The following ZNF503 variants were observed in gnomAD, a reference collection of about 807,000 sequenced individuals.
The protein encoded by ZNF503 is zinc finger protein 503.
A neutral mutation model predicts 34.4 loss-of-function variants in ZNF503; 15 were observed. The ratio of observed to expected loss-of-function variants is 0.44; its 90% CI spans 0.29 to 0.67. The LOEUF is 0.67. ZNF503 is among the 30% of genes least tolerant of loss of function. The pLI is 0.13. For synonymous variants in ZNF503, 580 were observed against 456.8 expected, an observed-to-expected ratio of 1.27 and a Z score of -3.44; for missense variants, 1,007 against 926.8, an observed-to-expected ratio of 1.09 and a Z score of -1.12.
At chr10:75,298,496 A>G in the ZNF503 span, among the ~76,000 whole-genome samples, 1 of 152,228 alleles carries the variant, frequency 6.6e-6, no homozygotes, top group Non-Finnish European at 1.5e-5. Context: ...AATGTTTTCA[A>G]GATTCATCCA....
chr10:75,399,351 C>T lies in ZNF503; in HGVS notation c.1339G>A (p.Ala447Thr). 2 of 1,604,002 alleles carry T rather than the reference C, an allele frequency of 1.2e-6. No homozygotes were observed. Among genetic ancestry groups the T allele is most frequent in the Non-Finnish European group, 1.7e-6 (2 of 1,177,524 alleles). ...GGATCATGTGCGCAAGAAGCGCTGG[C>T]GGCCGCCGCCCCTGCCAGGTGGCTA... Reference protein sequence around the residue: ...CASHLAGAAAASASCAHDPAA... With the variant: ...CASHLAGAAATSASCAHDPAA... Residue 447 changes from alanine to threonine, a missense_variant, in exon 2 of 2, where the codon GCC becomes ACC. Coordinates refer to ENST00000372524, the MANE Select transcript of ZNF503 (RefSeq NM_032772.6).
chr10:75,354,952 C>T, the ZNF503 span, among the ~76,000 whole-genome samples: 1 of 152,154 alleles, frequency 6.6e-6, no homozygotes, highest in Admixed American at 6.5e-5. Flanking sequence ...TTCAAGCCTG[C>T]CTCAGCCTCC....
the ZNF503 span, among the ~76,000 whole-genome samples, chr10:75,359,854 C>G: frequency 9.5e-4 from 144 of 152,248 alleles, no homozygotes; most frequent in African/African-American, 3.3e-3. Flanking sequence ...CTTGTCTTCA[C>G]CTGGGAGAGG....
chr10:75,338,481 C>T, the ZNF503 span: 1 of 152,158 alleles, frequency 6.6e-6, no homozygotes, highest in Non-Finnish European at 1.5e-5. Context: ...TAACAGAGGG[C>T]CCATAACATT....
chr10:75,371,220 C>T, the ZNF503 span, among the ~76,000 whole-genome samples: 1 of 152,110 alleles, frequency 6.6e-6, no homozygotes, highest in African/African-American at 2.4e-5. Flanking sequence ...TGAGTCAGCA[C>T]CCCTGGTCCA....
the ZNF503 span, among the ~76,000 whole-genome samples, chr10:75,336,309 T>A: frequency 6.6e-6 from 1 of 150,492 alleles, no homozygotes; most frequent in Non-Finnish European, 1.5e-5. Flanking sequence ...CATGTTCCAA[T>A]GGAGGACTTG....
At chr10:75,281,504 C>G in the ZNF503 span, among the ~76,000 whole-genome samples, 2 of 152,126 alleles carry the variant, frequency 1.3e-5, no homozygotes, top group African/African-American at 4.8e-5. Context: ...AGGAAGGAGA[C>G]AGTGATAAGA....
the ZNF503 span, among the ~76,000 whole-genome samples, chr10:75,387,759 G>A: frequency 1.4e-4 from 21 of 152,194 alleles, no homozygotes; most frequent in African/African-American, 4.6e-4. Flanking sequence ...CCAATGGGGT[G>A]AGGGTGAGGG....
At chr10:75,309,806 T>G in the ZNF503 span, among the ~76,000 whole-genome samples, 1 of 152,226 alleles carries the variant, frequency 6.6e-6, no homozygotes, top group African/African-American at 2.4e-5. Context: ...ATCTAATAAC[T>G]AATTGCCAAA....
At chr10:75,285,615 AT>A in the ZNF503 span, among the ~76,000 whole-genome samples, 1 of 152,220 alleles carries the variant, frequency 6.6e-6, no homozygotes, top group Non-Finnish European at 1.5e-5. Context: ...TCCTGATTCC[AT>A]TCAGGGACAT....
the ZNF503 span, chr10:75,350,499 T>C: frequency 6.6e-6 from 1 of 152,162 alleles, no homozygotes. Flanking sequence ...TTGATGTGTA[T>C]TTTGCAGACC....
chr10:75,385,888 A>T, the ZNF503 span, among the ~76,000 whole-genome samples: 1 of 152,052 alleles, frequency 6.6e-6, no homozygotes, highest in Non-Finnish European at 1.5e-5. Flanking sequence ...TTGGGTACAC[A>T]TCACTCACAC....
the ZNF503 span, among the ~76,000 whole-genome samples, chr10:75,304,611 T>C: frequency 6.6e-6 from 1 of 152,240 alleles, no homozygotes; most frequent in African/African-American, 2.4e-5. Flanking sequence ...ATTGTACTTG[T>C]CATTTTAATA....
At chr10:75,332,263 C>T in the ZNF503 span, among the ~76,000 whole-genome samples, 2 of 152,000 alleles carry the variant, frequency 1.3e-5, no homozygotes, top group South Asian at 2.1e-4. Flanking sequence ...CCTTCTGAGA[C>T]TTCAATTACA....
At chr10:75,388,362 G>A in the ZNF503 span, among the ~76,000 whole-genome samples, 2 of 152,196 alleles carry the variant, frequency 1.3e-5, no homozygotes, top group African/African-American at 2.4e-5. Flanking sequence ...TAACATCACT[G>A]AGTGAGGAGT....
the ZNF503 span, among the ~76,000 whole-genome samples, chr10:75,303,501 C>G: frequency 6.6e-6 from 1 of 152,204 alleles, no homozygotes; most frequent in African/African-American, 2.4e-5. Flanking sequence ...ATAAGGCAAG[C>G]AGAGTGGGCC....
downstream of ZNF503, among the ~76,000 whole-genome samples, chr10:75,393,644 G>C (rs183811275): frequency 3.3e-5 from 5 of 152,276 alleles, no homozygotes; most frequent in Admixed American, 6.5e-5. Context: ...GTCACTTGAG[G>C]TCAGGAGTTT....
chr10:75,400,137 T>C lies in ZNF503; in HGVS notation c.553A>G (p.Lys185Glu), dbSNP rs1843770045. 6.4e-7 allele frequency: 1 copy of C among 1,551,838 alleles called. No individual in the cohort carries two copies. The highest frequency in any genetic ancestry group is 1.4e-5 in the African/African-American group (1 of 72,850). ...CCACCGCCGCCTCCCGGCTCCTTCT[T>C]ATCCGAGCCGGGTTTGGAGTACGGC... is the stretch of plus-strand genomic sequence containing the variant. ...FKPYSKPGSD[K>E]KEPGGGGGGG... The change falls in exon 2 of 2, where the codon AAG (lysine) becomes GAG (glutamate). Residue 185 changes from lysine (K) to glutamate (E), a missense_variant. Lys to Glu is a moderately conservative substitution (Grantham distance 56, BLOSUM62 1). Coordinates refer to ENST00000372524, the MANE Select transcript of ZNF503 (RefSeq NM_032772.6).
chr10:75,304,296 C>A, the ZNF503 span, among the ~76,000 whole-genome samples: 1 of 152,194 alleles, frequency 6.6e-6, no homozygotes, highest in African/African-American at 2.4e-5. Flanking sequence ...AAGCCTCTAA[C>A]ATTTTCTTCA....
Sources: allele counts gnomAD v4.1 joint callset (sites outside exome capture counted in the v4.1 genomes callset), GRCh38; gene constraint gnomAD v4.1.1; transcripts MANE v1.5; gene names NCBI Gene and HGNC (gene_info 2026-07-23, HGNC 2026-07-21).